Variants in DOCK9 observed in about 807,000 individuals in gnomAD.
The protein encoded by DOCK9 is dedicator of cytokinesis protein 9.
Under a neutral mutation model 263.3 loss-of-function variants are expected in DOCK9, and 89 were observed. That is an observed-to-expected ratio of 0.34 (90% CI 0.28 to 0.40). The LOEUF (loss-of-function observed/expected upper bound fraction) is 0.40. Ranked by LOEUF, DOCK9 falls within the 10% of genes least tolerant of loss-of-function variation. DOCK9 has a pLI of 1.00. For synonymous variants in DOCK9, 976 were observed against 973.1 expected (o/e 1.00, Z -0.06); for missense variants, 2,140 against 2,603.4 (o/e 0.82, Z 3.87).
intron 1 of DOCK9, among the ~76,000 whole-genome samples, chr13:99,040,139 G>A (rs547043470): frequency 9.2e-4 from 140 of 152,256 alleles, no homozygotes; most frequent in African/African-American, 3.3e-3. Context: ...GCAAGAGAGT[G>A]TTTGCTTCAT....
At chr13:98,874,474 G>A (rs1005522482) in intron 27 of DOCK9, among the ~76,000 whole-genome samples, 1 of 152,142 alleles carries the variant, frequency 6.6e-6, no homozygotes, top group Non-Finnish European at 1.5e-5. Context: ...TCTTTACATG[G>A]ATACATCTTT....
chr13:98,833,598 T>C lies in DOCK9; in HGVS notation c.4315-1812A>G, dbSNP rs549283236. On this transcript the variant is annotated intron_variant, in intron 39 of 52. Transcript: ENST00000682017. ...TCCTCTTCAGCCCTGATCTCAAAAC[T>C]TGTTTGCAAGAATGGAGTTAAAGCT... 2.0e-5 allele frequency among the ~76,000 whole-genome samples: 3 copies of C among 152,342 alleles called. No homozygotes were observed. In the South Asian group the frequency reaches 6.2e-4, roughly 32 times the overall value.
intron 1 of DOCK9, among the ~76,000 whole-genome samples, chr13:99,002,434 G>A (rs1293308023): frequency 6.6e-6 from 1 of 152,008 alleles, no homozygotes; most frequent in African/African-American, 2.4e-5. Context: ...CTCCCTTCAG[G>A]GGCAACGTCC....
At chr13:98,814,424 A>C (rs988131621) in intron 45 of DOCK9, among the ~76,000 whole-genome samples, 1 of 75,708 alleles carries the variant, frequency 1.3e-5, no homozygotes, top group African/African-American at 4.1e-5. Context: ...TTTTTTTTTG[A>C]GACAAGAGTC....
chr13:98,897,416 G>A, intron 15 of DOCK9, 72 bp downstream of exon 15: 2 of 1,576,650 alleles, frequency 1.3e-6, no homozygotes, highest in East Asian at 2.3e-5. Flanking sequence ...CTAAGTGACT[G>A]CTCCCCTGTT....
intron 23 of DOCK9, among the ~76,000 whole-genome samples, chr13:98,882,556 G>A (rs1162194510): frequency 6.6e-6 from 1 of 152,106 alleles, no homozygotes; most frequent in African/African-American, 2.4e-5. Context: ...AGCTCTCCTA[G>A]ACAAACCCTG....
rs148080474 is a variant in DOCK9 at position 98,879,068 on chromosome 13, G to A, written c.2943+830C>T. 2.0e-5 allele frequency among the ~76,000 whole-genome samples: 3 copies of A among 152,286 alleles called. No homozygotes were observed. The East Asian group carries it at 5.8e-4, about 29-fold the overall frequency. ...CTTCACTGTCACAAGGACAACTCCA[G>A]GACTCTGCAGGTCTCAGAGGAGCCC... On this transcript the variant is annotated intron_variant, in intron 27 of 52. Coordinates refer to ENST00000682017, the MANE Select transcript of DOCK9 (RefSeq NM_001366683.2).
intron 18 of DOCK9, among the ~76,000 whole-genome samples, chr13:98,887,143 A>ATTTTTTTT (rs58434344): frequency 2.1e-5 from 2 of 95,290 alleles, no homozygotes; most frequent in African/African-American, 8.7e-5. Context: ...ATATATATAT[A>ATTTTTTTT]TTTTTTTTTT....
intron 2 of DOCK9, among the ~76,000 whole-genome samples, chr13:98,950,906 G>A (rs2057335566): frequency 2.0e-5 from 3 of 152,278 alleles, no homozygotes; most frequent in South Asian, 4.1e-4. Flanking sequence ...AAGAAGAATC[G>A]TCATTGGAAA....
chr13:98,906,641 G>A (rs74665849), intron 9 of DOCK9, among the ~76,000 whole-genome samples: 1 of 152,110 alleles, frequency 6.6e-6, no homozygotes, highest in African/African-American at 2.4e-5. Flanking sequence ...CTCTTCTGTT[G>A]GTGACAGAAC....
chr13:98,858,943 A>G (rs1171711846), intron 33 of DOCK9: 1 of 152,144 alleles, frequency 6.6e-6, no homozygotes. Flanking sequence ...TGATGTTTCC[A>G]CTCATCTGAC....
intron 13 of DOCK9, among the ~76,000 whole-genome samples, chr13:98,899,701 T>C (rs1243234388): frequency 6.6e-6 from 1 of 152,210 alleles, no homozygotes; most frequent in Non-Finnish European, 1.5e-5. Context: ...GATGAATATG[T>C]TGTGGAGTAA....
upstream of DOCK9, among the ~76,000 whole-genome samples, chr13:98,981,971 C>A (rs1877320389): frequency 6.6e-6 from 1 of 152,198 alleles, no homozygotes; most frequent in South Asian, 2.1e-4. Context: ...CTGCACTGAG[C>A]TCCTACCATC....
At chr13:98,900,359 CG>C (rs1398992937) in intron 13 of DOCK9, among the ~76,000 whole-genome samples, 6 of 152,004 alleles carry the variant, frequency 3.9e-5, no homozygotes, top group Non-Finnish European at 7.4e-5. Flanking sequence ...CATACACGGT[CG>C]GGGGAGGAGA....
chr13:99,040,600 T>G (rs1440510297), intron 1 of DOCK9, among the ~76,000 whole-genome samples: 2 of 152,244 alleles, frequency 1.3e-5, no homozygotes, highest in African/African-American at 4.8e-5. Context: ...AAATCATTCA[T>G]GGATCCCCCA....
intron 39 of DOCK9, among the ~76,000 whole-genome samples, chr13:98,833,313 A>G (rs576535393): frequency 4.7e-4 from 71 of 152,292 alleles, no homozygotes; most frequent in Non-Finnish European, 8.4e-4. Flanking sequence ...CTTTCCTCCA[A>G]TGAATTTACA....
chr13:98,916,712 A>C (rs2050943248), intron 7 of DOCK9, among the ~76,000 whole-genome samples: 1 of 152,232 alleles, frequency 6.6e-6, no homozygotes, highest in South Asian at 2.1e-4. Flanking sequence ...GGCTTGAAAC[A>C]AAATGAATTT....
intron 1 of DOCK9, among the ~76,000 whole-genome samples, chr13:99,075,469 C>T (rs919401013): frequency 6.6e-6 from 1 of 151,190 alleles, no homozygotes; most frequent in African/African-American, 2.4e-5. Context: ...CCTGCCATCT[C>T]AGCCTCCTGA....
intron 15 of DOCK9, among the ~76,000 whole-genome samples, chr13:98,891,885 A>T (rs1012681140): frequency 2.7e-5 from 4 of 149,916 alleles, no homozygotes; most frequent in Non-Finnish European, 5.9e-5. Context: ...TTTATGGTTT[A>T]TGTTGAATCT....
Sources: allele counts gnomAD v4.1 joint callset (sites outside exome capture counted in the v4.1 genomes callset), GRCh38; gene constraint gnomAD v4.1.1; transcripts MANE v1.5; gene names NCBI Gene and HGNC (gene_info 2026-07-23, HGNC 2026-07-21).